The following RGS6 variants were observed in gnomAD, a reference collection of about 807,000 sequenced individuals.
RGS6 encodes regulator of G-protein signaling 6.
RGS6 carries 30 observed loss-of-function variants against 78.5 expected under a neutral mutation model. The observed-to-expected ratio is 0.38, with a 90% CI of 0.29 to 0.52. RGS6 has a LOEUF of 0.52. Ranked by LOEUF, RGS6 falls within the 20% of genes least tolerant of loss-of-function variation. The pLI is 0.85. For missense variants in RGS6, 495 were observed against 609.7 expected (o/e 0.81, Z 1.98); for synonymous variants, 206 against 206.0 (o/e 1.00, Z 0.00).
intron 2 of RGS6, among the ~76,000 whole-genome samples, chr14:72,125,818 C>T (rs78515210): frequency 0.011 from 1,635 of 152,106 alleles, 23 homozygotes; most frequent in African/African-American, 0.037. Context: ...AAAAGTCAAC[C>T]AACAGACATT....
chr14:72,374,197 G>A (rs973368513), intron 3 of RGS6, among the ~76,000 whole-genome samples: 9 of 151,862 alleles, frequency 5.9e-5, no homozygotes, highest in African/African-American at 1.9e-4. Flanking sequence ...CCATTAACTC[G>A]TCATTTATAT....
At chr14:71,997,634 A>G (rs1273505400) in intron 2 of RGS6, among the ~76,000 whole-genome samples, 1 of 152,198 alleles carries the variant, frequency 6.6e-6, no homozygotes, top group Admixed American at 6.5e-5. Flanking sequence ...CAAGAAGGGA[A>G]GAGAGCCAGG....
At position 72,565,044 on chromosome 14, in the gene RGS6, G is replaced by T. The variant is rs181142268; in HGVS notation, c.*2577G>T. ...CATGCAAGTACATTTGGAAAATCTG[G>T]TCTTGGCCCGTCCCCCATTGGCCTG... On this transcript the variant is annotated 3_prime_UTR_variant, in exon 18 of 18. Coordinates refer to ENST00000553525, the MANE Select transcript of RGS6 (RefSeq NM_001204424.2). 13 of 152,300 alleles carry T rather than the reference G, an allele frequency of 8.5e-5. No homozygotes were observed. In the East Asian group the frequency reaches 2.5e-3, roughly 29 times the overall value. The allele number at this position is 152,300 out of a possible 1,614,324, so 9.4% of individuals were successfully genotyped here.
At chr14:71,880,950 G>A in the RGS6 span, among the ~76,000 whole-genome samples, 1,072 of 152,312 alleles carry the variant, frequency 7.0e-3, 15 homozygotes, top group African/African-American at 0.024. Flanking sequence ...GACAGCAGCC[G>A]GGAGGGAGGG....
Position 71,992,960 on chromosome 14 carries a change from T to C in RGS6, c.84+28085T>C, listed in dbSNP as rs370052492. Among the ~76,000 whole-genome samples the C allele has an allele frequency of 6.4e-4, 97 of 152,390 alleles. No individual in the cohort carries two copies. In the Middle Eastern group the frequency reaches 0.01, roughly 16 times the overall value. On this transcript the variant is annotated intron_variant, in intron 2 of 17. Coordinates refer to ENST00000553525, the MANE Select transcript of RGS6 (RefSeq NM_001204424.2). ...TTGTTCAATAAGAGCATTTGTCTTC[T>C]CTATTAATTTGTTGGAGCCTTTTAT...
At chr14:72,586,259 C>T in the RGS6 span, among the ~76,000 whole-genome samples, 214 of 152,308 alleles carry the variant, frequency 1.4e-3, no homozygotes, top group Non-Finnish European at 2.6e-3. Context: ...GGAGGTACGG[C>T]ATGGTGGCCG....
chr14:72,309,584 C>T (rs2068069248), intron 2 of RGS6, among the ~76,000 whole-genome samples: 1 of 152,234 alleles, frequency 6.6e-6, no homozygotes, highest in South Asian at 2.1e-4. Flanking sequence ...ACCTAATCCT[C>T]AGGCGATACT....
chr14:71,970,887 C>G (rs1452568343), intron 2 of RGS6, among the ~76,000 whole-genome samples: 1 of 151,978 alleles, frequency 6.6e-6, no homozygotes, highest in Non-Finnish European at 1.5e-5. Context: ...AGAAGACATC[C>G]AGAGGATTTG....
intron 17 of RGS6, 88 bp downstream of exon 17, chr14:72,540,182 G>C: frequency 1.4e-6 from 2 of 1,426,810 alleles, no homozygotes; most frequent in Non-Finnish European, 1.9e-6. Flanking sequence ...CCCTTTGGTT[G>C]TTGTTTCCTT....
At chr14:71,916,000 C>G in the RGS6 span, among the ~76,000 whole-genome samples, 4 of 152,242 alleles carry the variant, frequency 2.6e-5, no homozygotes, top group Admixed American at 2.6e-4. Flanking sequence ...ACCAACCTGC[C>G]CTTGATCTTG....
chr14:72,605,058 G>A, the RGS6 span, among the ~76,000 whole-genome samples: 7 of 152,198 alleles, frequency 4.6e-5, no homozygotes, highest in Admixed American at 6.5e-5. Flanking sequence ...ATAAAATGCC[G>A]TGGCACTGTA....
intron 2 of RGS6, among the ~76,000 whole-genome samples, chr14:72,218,980 C>T (rs1474663363): frequency 6.6e-6 from 1 of 151,872 alleles, no homozygotes; most frequent in Non-Finnish European, 1.5e-5. Context: ...CATGCCTGAA[C>T]AATGCTTATC....
intron 2 of RGS6, among the ~76,000 whole-genome samples, chr14:72,243,562 C>T (rs1052304347): frequency 2.0e-5 from 3 of 152,166 alleles, no homozygotes; most frequent in Middle Eastern, 3.2e-3. Flanking sequence ...CTTCCCACAG[C>T]CTTTTGCTAG....
chr14:72,441,561 G>A (rs2095202481), intron 3 of RGS6, among the ~76,000 whole-genome samples: 1 of 152,218 alleles, frequency 6.6e-6, no homozygotes, highest in Admixed American at 6.5e-5. Context: ...GCCATCCCAG[G>A]GCCCTCGCCA....
At chr14:72,326,103 C>CATG (rs991380027) in intron 2 of RGS6, among the ~76,000 whole-genome samples, 25 of 152,160 alleles carry the variant, frequency 1.6e-4, no homozygotes, top group Non-Finnish European at 3.2e-4. Context: ...GATGTATGTA[C>CATG]ATGAATATGC....
the RGS6 span, among the ~76,000 whole-genome samples, chr14:71,879,263 T>C: frequency 6.6e-6 from 1 of 152,242 alleles, no homozygotes; most frequent in Admixed American, 6.5e-5. Flanking sequence ...AAATTTGCTG[T>C]ATTTAGAAAT....
intron 2 of RGS6, among the ~76,000 whole-genome samples, chr14:72,180,975 A>G (rs1598960366): frequency 6.6e-6 from 1 of 152,232 alleles, no homozygotes; most frequent in East Asian, 1.9e-4. Flanking sequence ...AGCAGCACAG[A>G]CTAAGACAGT....
intron 2 of RGS6, among the ~76,000 whole-genome samples, chr14:71,996,471 G>A (rs891124192): frequency 2.0e-5 from 3 of 152,088 alleles, no homozygotes; most frequent in Admixed American, 6.6e-5. Flanking sequence ...ACAGTGGGTG[G>A]AGCTGGGGGA....
chr14:72,492,837 A>G (rs2096596137), intron 12 of RGS6, among the ~76,000 whole-genome samples: 2 of 152,234 alleles, frequency 1.3e-5, no homozygotes, highest in Admixed American at 6.5e-5. Flanking sequence ...TTATTAGAAC[A>G]CAGTCACACG....
Sources: allele counts gnomAD v4.1 joint callset (sites outside exome capture counted in the v4.1 genomes callset), GRCh38; gene constraint gnomAD v4.1.1; transcripts MANE v1.5; gene names NCBI Gene and HGNC (gene_info 2026-07-23, HGNC 2026-07-21).